The following SUCLG2 variants were observed in gnomAD, a reference collection of about 807,000 sequenced individuals.
SUCLG2 encodes succinate--CoA ligase [GDP-forming] subunit beta, mitochondrial.
SUCLG2 carries 42 observed loss-of-function variants against 47.9 expected under a neutral mutation model. The ratio of observed to expected loss-of-function variants is 0.88; its 90% confidence interval spans 0.69 to 1.14. The LOEUF is 1.14. Among genes scored for constraint, SUCLG2 ranks in the 50% most tolerant of loss-of-function variants. The pLI is 0.00. For synonymous variants in SUCLG2, 195 were observed against 197.3 expected (o/e 0.99, Z 0.10); for missense variants, 571 against 525.9 (o/e 1.09, Z -0.84).
chr3:67,519,912 G>A (rs1706048575), intron 5 of SUCLG2, among the ~76,000 whole-genome samples: 1 of 152,062 alleles, frequency 6.6e-6, no homozygotes, highest in Non-Finnish European at 1.5e-5. Context: ...AGAAACTTGT[G>A]CTCTGATTAA....
intron 2 of SUCLG2, among the ~76,000 whole-genome samples, chr3:67,535,997 A>T (rs188207920): frequency 2.6e-5 from 4 of 152,324 alleles, no homozygotes; most frequent in Non-Finnish European, 4.4e-5. Flanking sequence ...GTTGAAAATG[A>T]ACAGCTCTGA....
Position 67,624,937 on chromosome 3 carries a change from A to C in SUCLG2, c.85-15341T>G, listed in dbSNP as rs561190466. Among the ~76,000 whole-genome samples, 16 of 152,364 alleles carry C rather than the reference A, an allele frequency of 1.1e-4. No homozygotes were observed. In the East Asian group the frequency reaches 2.9e-3, roughly 28 times the overall value. On this transcript the variant is annotated intron_variant, in intron 1 of 10. Transcript: ENST00000307227. The stretch of plus-strand genomic sequence containing the variant: ...CAAAGACCTCAGAAAAGTACACACA[A>C]AAAGACTCTTACAAATAGACAATCT...
intron 10 of SUCLG2, among the ~76,000 whole-genome samples, chr3:67,391,079 T>C (rs149935829): frequency 2.9e-3 from 448 of 152,320 alleles, no homozygotes; most frequent in African/African-American, 0.01. Flanking sequence ...TTCCACCCAA[T>C]ACCAAAAGGT....
rs545392629 is a variant in SUCLG2, at chr3:67,625,239, T to A, written c.85-15643A>T. Among the ~76,000 whole-genome samples the A allele has an allele frequency of 5.9e-5, 9 of 152,216 alleles. No individual in the cohort carries two copies. In the South Asian group the frequency reaches 1.9e-3, roughly 32 times the overall value. ...TAATTGAGAAATAAGCTTAAGTGAG[T>A]GGCATCGAAGGCTCGGTGGGTCATC... On this transcript the variant is annotated intron_variant, in intron 1 of 10. Transcript: ENST00000307227.
chr3:67,513,383 A>C (rs1302529405), intron 6 of SUCLG2, among the ~76,000 whole-genome samples: 3 of 152,184 alleles, frequency 2.0e-5, no homozygotes, highest in Non-Finnish European at 4.4e-5. Flanking sequence ...TTCTGTTTTA[A>C]TTTTTACTGT....
In SUCLG2 at chr3:67,375,872, C is replaced by G. The variant is rs768152231; in HGVS notation, c.1184-13G>C. The G allele has an allele frequency of 2.5e-6, 4 of 1,610,938 alleles. No homozygotes were observed. The highest frequency in any genetic ancestry group is 2.5e-6 in the Non-Finnish European group (3 of 1,178,596). On this transcript the variant is annotated splice_polypyrimidine_tract_variant and intron_variant, in intron 10 of 10. Transcript: ENST00000307227. ...TGGACGTTGGTTCCTAGAAGGGGGA[C>G]AGGGAACAATCACTGAATGAAACTA...
intron 1 of SUCLG2, among the ~76,000 whole-genome samples, chr3:67,642,918 CTGTGTG>C (rs3221813): frequency 2.1e-4 from 31 of 146,616 alleles, no homozygotes; most frequent in South Asian, 6.7e-4. Flanking sequence ...GAAAAGGACT[CTGTGTG>C]TGTGTGTGTG....
At chr3:67,397,344 T>A (rs1702555046) in intron 10 of SUCLG2, among the ~76,000 whole-genome samples, 1 of 151,250 alleles carries the variant, frequency 6.6e-6, no homozygotes, top group African/African-American at 2.4e-5. Context: ...ACAAAATCAA[T>A]GTACAAAAAT....
At chr3:67,624,668 C>T (rs1182897972) in intron 1 of SUCLG2, among the ~76,000 whole-genome samples, 1 of 152,032 alleles carries the variant, frequency 6.6e-6, no homozygotes, top group African/African-American at 2.4e-5. Flanking sequence ...TTTCTTTAGC[C>T]AGGGAGGGGG....
chr3:67,496,027 G>A, intron 8 of SUCLG2, 87 bp from the exon 9 acceptor site: 2 of 1,538,434 alleles, frequency 1.3e-6, no homozygotes, highest in Non-Finnish European at 8.9e-7. Context: ...ATATTGCCAA[G>A]AGAGAACTCT....
At chr3:67,390,856 T>A (rs1702364288) in intron 10 of SUCLG2, among the ~76,000 whole-genome samples, 1 of 152,160 alleles carries the variant, frequency 6.6e-6, no homozygotes, top group Non-Finnish European at 1.5e-5. Context: ...TCCACCAACA[T>A]CTTATAATAA....
chr3:67,503,154 A>G (rs1038219830), intron 7 of SUCLG2, among the ~76,000 whole-genome samples: 1 of 152,116 alleles, frequency 6.6e-6, no homozygotes, highest in African/African-American at 2.4e-5. Flanking sequence ...CAAACCCCCA[A>G]ATATTTACTA....
At chr3:67,617,235 G>C (rs1009476866) in intron 1 of SUCLG2, among the ~76,000 whole-genome samples, 1 of 152,178 alleles carries the variant, frequency 6.6e-6, no homozygotes, top group African/African-American at 2.4e-5. Flanking sequence ...CGGTAAAAGA[G>C]ATTAAGTGGA....
intron 2 of SUCLG2, among the ~76,000 whole-genome samples, chr3:67,606,426 AC>A (rs1173307264): frequency 2.0e-5 from 3 of 152,210 alleles, no homozygotes; most frequent in African/African-American, 7.2e-5. Flanking sequence ...ACTTAGTTAT[AC>A]CTGCAATGCT....
chr3:67,398,927 A>T (rs1702616580), intron 10 of SUCLG2, among the ~76,000 whole-genome samples: 1 of 151,062 alleles, frequency 6.6e-6, no homozygotes, highest in African/African-American at 2.4e-5. Context: ...AAGGACAAAA[A>T]ACCAAACACC....
chr3:67,425,568 T>G (rs1372831233), intron 9 of SUCLG2, among the ~76,000 whole-genome samples: 1 of 152,130 alleles, frequency 6.6e-6, no homozygotes, highest in Non-Finnish European at 1.5e-5. Flanking sequence ...GTGTGATTAT[T>G]TAGCTGGGGC....
intron 7 of SUCLG2, among the ~76,000 whole-genome samples, chr3:67,499,035 T>C (rs116125400): frequency 2.6e-5 from 4 of 152,298 alleles, no homozygotes; most frequent in African/African-American, 9.6e-5. Context: ...GTTTGGTATA[T>C]CTGAGATTCC....
At chr3:67,393,121 C>T (rs1443385199) in intron 10 of SUCLG2, among the ~76,000 whole-genome samples, 2 of 152,206 alleles carry the variant, frequency 1.3e-5, no homozygotes, top group Non-Finnish European at 2.9e-5. Flanking sequence ...TCTGCATTTC[C>T]ATCTGAGGTA....
intron 2 of SUCLG2, among the ~76,000 whole-genome samples, chr3:67,537,640 C>T (rs1451834846): frequency 4.6e-5 from 7 of 152,274 alleles, no homozygotes; most frequent in African/African-American, 9.6e-5. Flanking sequence ...CTTGAGGAAT[C>T]GCCACACTCT....
Sources: allele counts gnomAD v4.1 joint callset (sites outside exome capture counted in the v4.1 genomes callset), GRCh38; gene constraint gnomAD v4.1.1; transcripts MANE v1.5; gene names NCBI Gene and HGNC (gene_info 2026-07-23, HGNC 2026-07-21).